Variants in FCRL6 observed in about 807,000 individuals in gnomAD.
FCRL6 encodes Fc receptor-like protein 6.
Under a neutral mutation model 49.1 loss-of-function variants are expected in FCRL6, and 50 were observed. The ratio of observed to expected loss-of-function variants is 1.02; its 90% CI spans 0.81 to 1.29. FCRL6 has a LOEUF of 1.29. Among genes scored for constraint, FCRL6 ranks in the 50% most tolerant of loss-of-function variants. FCRL6 has a pLI of 0.00. For missense variants in FCRL6, 571 were observed against 518.5 expected, an observed-to-expected ratio of 1.10 and a Z score of -0.98; for synonymous variants, 213 against 199.6, an observed-to-expected ratio of 1.07 and a Z score of -0.57.
upstream of FCRL6, among the ~76,000 whole-genome samples, chr1:159,801,258 T>C (rs1469489560): frequency 2.0e-5 from 3 of 152,256 alleles, no homozygotes; most frequent in Non-Finnish European, 2.9e-5. Context: ...ACATTTCTGT[T>C]TGACATTTAC....
rs1663390432 is a variant in FCRL6, at chr1:159,816,157, G to A, written c.*496G>A. 5.8e-6 allele frequency: 1 copy of A among 171,160 alleles called. No individual in the cohort carries two copies. The highest frequency in any genetic ancestry group is 5.4e-5 in the Admixed American group (1 of 18,384). The allele number at this position is 171,160 out of a possible 1,614,324, so 10.6% of individuals were successfully genotyped here. On this transcript the variant is annotated 3_prime_UTR_variant, in exon 10 of 10. Coordinates refer to ENST00000368106, the MANE Select transcript of FCRL6 (RefSeq NM_001004310.3). ...TTTGTGGTGATGCTGGTACAAACAA[G>A]CTACAGCGCCGCTAGTCATATACAA...
chr1:159,814,119 T>C (rs1415412997), intron 7 of FCRL6, 102 bp from the exon 8 acceptor site: 1 of 1,088,738 alleles, frequency 9.2e-7, no homozygotes, highest in Non-Finnish European at 1.4e-6. Flanking sequence ...CTTATCACCA[T>C]AACAGAGCCC....
intron 3 of FCRL6, 190 bp downstream of exon 3, chr1:159,808,634 T>C: frequency 1.5e-6 from 1 of 669,414 alleles, no homozygotes; most frequent in South Asian, 1.9e-5. Flanking sequence ...GGGACACATG[T>C]AGCCAGGGGA....
rs1662929416 is a variant in FCRL6 at position 159,809,302 on chromosome 1, TC to T, written c.604+61del. The stretch of plus-strand genomic sequence containing the variant: ...GGGCCCTGGGCGTCAGGCAGTGGGA[TC>T]CCCTGGGACTAAAGGAGTTGGGGGA... On this transcript the variant is annotated intron_variant, in intron 4 of 9. Transcript: ENST00000368106. 7 of 1,524,962 alleles carry T rather than the reference TC, an allele frequency of 4.6e-6. No homozygotes were observed. In the Admixed American group the frequency reaches 1.5e-4, roughly 33 times the overall value. 94.5% of individuals were successfully genotyped at this position (1,524,962 alleles called of 1,614,324 possible).
At chr1:159,802,338 T>G, upstream of FCRL6, 1 of 1,532,884 alleles carries the variant, frequency 6.5e-7, no homozygotes, top group Non-Finnish European at 8.9e-7. Context: ...CCACCCACCT[T>G]CGGTCCTGAG....
intron 6 of FCRL6, among the ~76,000 whole-genome samples, chr1:159,810,957 T>G (rs1357913326): frequency 1.3e-5 from 2 of 152,238 alleles, no homozygotes; most frequent in Non-Finnish European, 2.9e-5. Flanking sequence ...CTCATTCTAA[T>G]CTGAGAAGAT....
upstream of FCRL6, chr1:159,802,159 G>A (rs925007920): frequency 3.7e-5 from 16 of 428,106 alleles, no homozygotes; most frequent in Non-Finnish European, 5.7e-5. Context: ...TGCAGAAAAT[G>A]TCAGGGATTT....
intron 6 of FCRL6, among the ~76,000 whole-genome samples, chr1:159,812,667 G>C: frequency 6.6e-6 from 1 of 152,104 alleles, no homozygotes; most frequent in East Asian, 1.9e-4. Context: ...TAATCACTGG[G>C]GATCTGTCTA....
chr1:159,809,976 C>A (rs530506175), intron 5 of FCRL6, 118 bp from the exon 6 acceptor site: 7 of 1,289,986 alleles, frequency 5.4e-6, no homozygotes, highest in African/African-American at 1.5e-5. Flanking sequence ...CTATGAGGCT[C>A]CCCCAGGCCA....
In FCRL6 at chr1:159,813,525, G is replaced by A. The variant is rs146350899; in HGVS notation, c.1046G>A (p.Gly349Asp). 4 of 1,614,004 alleles carry A rather than the reference G, an allele frequency of 2.5e-6. No homozygotes were observed. The African/African-American group carries it at 4.0e-5, about 16-fold the overall frequency. The change falls in exon 7 of 10, where the codon GGT (glycine) becomes GAT (aspartate). Residue 349 changes from glycine (G) to aspartate (D), a missense_variant. Coordinates refer to ENST00000368106, the MANE Select transcript of FCRL6 (RefSeq NM_001004310.3). ...LPSQIPPTAP[G>D]GEQCPLYANV... The stretch of plus-strand genomic sequence containing the variant: ...TCCCAGATACCACCCACAGCTCCAG[G>A]TGGAGAGCAGTGCCCACTATATGCC...
At position 159,808,249 on chromosome 1, in the gene FCRL6, T is replaced by C; in HGVS notation, c.124T>C (p.Trp42Arg). 1.9e-6 allele frequency: 3 copies of C among 1,613,436 alleles called. No homozygotes were observed. Among genetic ancestry groups the C allele is most frequent in the Non-Finnish European group, 2.5e-6 (3 of 1,179,284 alleles). Residue 42 changes from tryptophan to arginine, a missense_variant, in exon 3 of 10, where the codon TGG (tryptophan) becomes CGG (arginine). Coordinates refer to ENST00000368106, the MANE Select transcript of FCRL6 (RefSeq NM_001004310.3). ...TGCCCTGACTCTGCGATGTCAGGGATGGAAGAATACACCACTGTCTCAGGT... is the reference window on the plus strand; with the variant it reads ...TGCCCTGACTCTGCGATGTCAGGGACGGAAGAATACACCACTGTCTCAGGT... ...GDALTLRCQG[W>R]KNTPLSQVKF...
At position 159,809,193 on chromosome 1, in the gene FCRL6, T is replaced by G. The variant is rs12083967; in HGVS notation, c.552T>G (p.Pro184=). 1 of 1,601,334 alleles carries G rather than the reference T, an allele frequency of 6.2e-7. No individual in the cohort carries two copies. Among genetic ancestry groups the G allele is most frequent in the South Asian group, 1.1e-5 (1 of 89,282 alleles). ...GGCTTTACTGGTGTGAGGTGGCCCC[T>G]GAGGGTGGCCAGGTCCAGAAGCAGA... is the stretch of plus-strand genomic sequence containing the variant. ...DSGLYWCEVA[P]EGGQVQKQSP... is the part of the protein sequence containing the mutation. The change falls in exon 4 of 10, where the codon CCT becomes CCG. Residue 184 remains proline (P), a synonymous_variant. Coordinates refer to ENST00000368106, the MANE Select transcript of FCRL6 (RefSeq NM_001004310.3).
Position 159,809,045 on chromosome 1 carries a change from A to T in FCRL6, c.404A>T (p.Lys135Met). The T allele has an allele frequency of 6.2e-7, 1 of 1,613,976 alleles. No individual in the cohort carries two copies. Among genetic ancestry groups the T allele is most frequent in the Non-Finnish European group, 8.5e-7 (1 of 1,179,946 alleles). ...CTGGTGACCCTGAGATGTCAGACAA[A>T]GCTGCACCCCCTGAGGTCAGCCTTG... The part of the protein sequence containing the change: ...GSLVTLRCQT[K>M]LHPLRSALRL... Residue 135 changes from lysine (K) to methionine (M), a missense_variant, in exon 4 of 10, where the codon AAG becomes ATG. Transcript: ENST00000368106.
At chr1:159,814,414 A>G in intron 8 of FCRL6, 122 bp downstream of exon 8, 1 of 702,310 alleles carries the variant, frequency 1.4e-6, no homozygotes, top group Non-Finnish European at 2.5e-6. Flanking sequence ...CACTATCACC[A>G]AGACCATCAT....
In FCRL6 at chr1:159,809,550, C is replaced by G. The variant is rs533972893; in HGVS notation, c.753C>G (p.His251Gln). ...TTGATGAGAAGATTGTGGGGAACCA[C>G]TCAGCTCCCTGTGGTGGAACCACCT... is the stretch of plus-strand genomic sequence containing the variant. ...FYLDEKIVGN[H>Q]SAPCGGTTSL... The change falls in exon 5 of 10, where the codon CAC becomes CAG. Residue 251 changes from histidine (H) to glutamine (Q), a missense_variant. Coordinates refer to ENST00000368106, the MANE Select transcript of FCRL6 (RefSeq NM_001004310.3). The G allele has an allele frequency of 4.3e-6, 7 of 1,614,214 alleles. No homozygotes were observed. The South Asian group carries it at 7.7e-5, about 18-fold the overall frequency.
rs371528311 is a variant in FCRL6 at position 159,808,312 on chromosome 1, A to G, written c.187A>G (p.Lys63Glu). 3 of 1,614,242 alleles carry G rather than the reference A, an allele frequency of 1.9e-6. No individual in the cohort carries two copies. The highest frequency in any genetic ancestry group is 2.2e-5 in the East Asian group (1 of 44,880). ...AGATGGAAAATTCCTTCATTTCTCT[A>G]AGGAAAACCAGACTCTGTCCATGGG... ...YRDGKFLHFS[K>E]ENQTLSMGAA... Residue 63 changes from lysine (K) to glutamate (E), a missense_variant, in exon 3 of 10, where the codon AAG (lysine) becomes GAG (glutamate). Transcript: ENST00000368106.
At chr1:159,802,829 G>A (rs902470994) in intron 1 of FCRL6, among the ~76,000 whole-genome samples, 4 of 152,320 alleles carry the variant, frequency 2.6e-5, no homozygotes, top group Middle Eastern at 3.4e-3. Context: ...AGGGAAGGAG[G>A]CTGCTGGGGG....
intron 7 of FCRL6, 58 bp from the exon 8 acceptor site, chr1:159,814,163 T>G: frequency 6.7e-7 from 1 of 1,489,840 alleles, no homozygotes; most frequent in Non-Finnish European, 9.4e-7. Context: ...TCAGGACACT[T>G]ATGACATGAG....
At chr1:159,813,649 C>A in intron 7 of FCRL6, 95 bp downstream of exon 7, 1 of 1,098,116 alleles carries the variant, frequency 9.1e-7, no homozygotes, top group Non-Finnish European at 1.4e-6. Flanking sequence ...CCCTGTATCT[C>A]AGGAATTGGA....
Sources: allele counts gnomAD v4.1 joint callset (sites outside exome capture counted in the v4.1 genomes callset), GRCh38; gene constraint gnomAD v4.1.1; transcripts MANE v1.5; gene names NCBI Gene and HGNC (gene_info 2026-07-23, HGNC 2026-07-21).